GLT1D1: variants seen among roughly 807,000 people sequenced by gnomAD.
GLT1D1 encodes glycosyltransferase 1 domain-containing protein 1.
In GLT1D1, 21 loss-of-function variants were observed where a neutral mutation model predicts 28.7. The observed-to-expected ratio is 0.73, with a 90% confidence interval of 0.52 to 1.05. The LOEUF is 1.05. Among genes scored for constraint, GLT1D1 ranks in the 50% least tolerant of loss-of-function variants. The pLI is 0.00. For missense variants in GLT1D1, 343 were observed against 330.6 expected (o/e 1.04, Z -0.29); for synonymous variants, 147 against 124.8 (o/e 1.18, Z -1.19).
chr12:128,938,819 T>G (rs1368349371), intron 4 of GLT1D1, among the ~76,000 whole-genome samples: 2 of 152,234 alleles, frequency 1.3e-5, no homozygotes, highest in Admixed American at 6.5e-5. Context: ...TAGAATTTTG[T>G]GTTACACTTG....
At chr12:128,956,031 C>T (rs1485680937) in intron 6 of GLT1D1, among the ~76,000 whole-genome samples, 11 of 151,074 alleles carry the variant, frequency 7.3e-5, no homozygotes, top group South Asian at 2.1e-4. Context: ...TGATGGCGGG[C>T]GCCTGTAGTC....
At position 128,984,116 on chromosome 12, in the gene GLT1D1, G is replaced by A. The variant is rs1319698274; in HGVS notation, c.*1026G>A. The A allele has an allele frequency of 6.6e-6, 1 of 152,228 alleles. No homozygotes were observed. Among genetic ancestry groups the A allele is most frequent in the Non-Finnish European group, 1.5e-5 (1 of 68,082 alleles). The allele number at this position is 152,228 out of a possible 1,614,324, so 9.4% of individuals were successfully genotyped here. A position where few individuals can be genotyped will look rare whatever the true frequency, so the allele number is the denominator to read the frequency against. ...TGTTGCATGCCTGTGGATTCCTTAC[G>A]ACAATGGGGAACGCGGTGTTTCCCA... On this transcript the variant is annotated 3_prime_UTR_variant, in exon 8 of 8. Transcript: ENST00000281703.
At chr12:128,972,864 A>G (rs758869948) in intron 7 of GLT1D1, among the ~76,000 whole-genome samples, 20 of 152,218 alleles carry the variant, frequency 1.3e-4, no homozygotes, top group Non-Finnish European at 2.8e-4. Flanking sequence ...CCATTGTGCA[A>G]TGATGAAATC....
intron 1 of GLT1D1, among the ~76,000 whole-genome samples, chr12:128,869,112 G>A (rs903581810): frequency 9.2e-5 from 14 of 151,974 alleles, no homozygotes; most frequent in African/African-American, 1.2e-4. Context: ...CAGTTGATCC[G>A]CCCGCCTTGG....
intron 4 of GLT1D1, among the ~76,000 whole-genome samples, chr12:128,940,508 C>T (rs79484010): frequency 4.4e-4 from 67 of 152,268 alleles, no homozygotes; most frequent in Non-Finnish European, 8.8e-4. Flanking sequence ...CCTCTGTATC[C>T]GGAGTCCCCT....
chr12:128,889,468 C>T (rs1025160515), intron 3 of GLT1D1, among the ~76,000 whole-genome samples: 33 of 152,252 alleles, frequency 2.2e-4, no homozygotes, highest in African/African-American at 7.5e-4. Context: ...CTGCCCTGCA[C>T]GTCTCTGATC....
chr12:128,946,554 T>C (rs1276560326), intron 5 of GLT1D1, among the ~76,000 whole-genome samples: 1 of 151,390 alleles, frequency 6.6e-6, no homozygotes, highest in African/African-American at 2.4e-5. Flanking sequence ...CACCATGGTC[T>C]CGATCTCCTG....
At chr12:128,892,966 C>G (rs1869228369) in intron 3 of GLT1D1, among the ~76,000 whole-genome samples, 1 of 152,058 alleles carries the variant, frequency 6.6e-6, no homozygotes, top group African/African-American at 2.4e-5. Context: ...ATATTCTTGG[C>G]CAGGCATGAT....
At chr12:128,978,158 C>A (rs517020) in intron 7 of GLT1D1, among the ~76,000 whole-genome samples, 32,304 of 151,450 alleles carry the variant, frequency 0.21, 3,951 homozygotes, top group African/African-American at 0.35. Flanking sequence ...GAGTGGACAC[C>A]CCCTCCTCCG....
chr12:128,873,421 C>A (rs1282772386), intron 1 of GLT1D1, among the ~76,000 whole-genome samples: 2 of 152,070 alleles, frequency 1.3e-5, no homozygotes. Flanking sequence ...TAACGAGGGC[C>A]CTGCGGATGC....
At chr12:128,958,541 G>T (rs1877528811) in intron 7 of GLT1D1, among the ~76,000 whole-genome samples, 1 of 137,316 alleles carries the variant, frequency 7.3e-6, no homozygotes, top group African/African-American at 2.7e-5. Context: ...AGGAGTTTGA[G>T]ACCAGCCTGG....
intron 7 of GLT1D1, among the ~76,000 whole-genome samples, chr12:128,974,460 G>A (rs1253343209): frequency 6.6e-6 from 1 of 152,164 alleles, no homozygotes; most frequent in Non-Finnish European, 1.5e-5. Flanking sequence ...AGCTACCCAG[G>A]TCTTGCACTG....
intron 1 of GLT1D1, among the ~76,000 whole-genome samples, chr12:128,874,885 C>T (rs1224458315): frequency 2.6e-5 from 4 of 152,066 alleles, no homozygotes; most frequent in African/African-American, 7.2e-5. Flanking sequence ...TAGTAACAGT[C>T]GTAAATAGTT....
chr12:128,963,592 G>A (rs1217639539), intron 7 of GLT1D1, among the ~76,000 whole-genome samples: 1 of 152,202 alleles, frequency 6.6e-6, no homozygotes, highest in Non-Finnish European at 1.5e-5. Context: ...GTTGCAGTAA[G>A]CTGAGATTAC....
At chr12:128,942,731 C>CTTTT (rs1566157133) in intron 4 of GLT1D1, among the ~76,000 whole-genome samples, 3 of 114,488 alleles carry the variant, frequency 2.6e-5, no homozygotes, top group African/African-American at 7.8e-5. Flanking sequence ...TTCCAATTTT[C>CTTTT]TTTGTTTGTT....
chr12:128,965,058 C>T (rs531147058), intron 7 of GLT1D1, among the ~76,000 whole-genome samples: 4 of 152,334 alleles, frequency 2.6e-5, no homozygotes, highest in African/African-American at 7.2e-5. Context: ...TGGCCTCTGC[C>T]TCCTGGTGTT....
At chr12:128,917,286 T>C (rs1430672723) in intron 4 of GLT1D1, among the ~76,000 whole-genome samples, 1 of 152,218 alleles carries the variant, frequency 6.6e-6, no homozygotes, top group East Asian at 1.9e-4. Context: ...TTAGCTATTC[T>C]AGGTTTTTTG....
At chr12:128,858,780 GA>G (rs938871148) in intron 1 of GLT1D1, among the ~76,000 whole-genome samples, 3 of 152,142 alleles carry the variant, frequency 2.0e-5, no homozygotes, top group Non-Finnish European at 4.4e-5. Flanking sequence ...ATCTGAAGAG[GA>G]AAAATTTGTC....
chr12:128,911,175 C>T (rs1240193989), intron 4 of GLT1D1, among the ~76,000 whole-genome samples: 2 of 152,214 alleles, frequency 1.3e-5, no homozygotes, highest in Non-Finnish European at 2.9e-5. Flanking sequence ...AATGATTTGC[C>T]TGCCTCGGCC....
Sources: allele counts gnomAD v4.1 joint callset (sites outside exome capture counted in the v4.1 genomes callset), GRCh38; gene constraint gnomAD v4.1.1; transcripts MANE v1.5; gene names NCBI Gene and HGNC (gene_info 2026-07-23, HGNC 2026-07-21).